Variants in JAZF1 observed in about 807,000 individuals in gnomAD.
The protein encoded by JAZF1 is JAZF zinc finger 1.
In JAZF1, 8 loss-of-function variants were observed where a neutral mutation model predicts 26.4. The ratio of observed to expected loss-of-function variants is 0.30; its 90% CI spans 0.18 to 0.55. JAZF1 has a LOEUF of 0.55. Among genes scored for constraint, JAZF1 ranks in the 20% least tolerant of loss-of-function variants. The probability of loss-of-function intolerance (pLI) is 0.94; values close to 1 mark genes in which losing one functional copy is unlikely to be tolerated. For missense variants in JAZF1, 199 were observed against 322.0 expected, an observed-to-expected ratio of 0.62 and a Z score of 2.92; for synonymous variants, 126 against 122.3, an observed-to-expected ratio of 1.03 and a Z score of -0.20.
chr7:28,025,111 G>C (rs1783072430), intron 1 of JAZF1, among the ~76,000 whole-genome samples: 1 of 152,180 alleles, frequency 6.6e-6, no homozygotes, highest in Admixed American at 6.5e-5. Context: ...CTAACCTGGT[G>C]ACCCAGCAAC....
intron 1 of JAZF1, among the ~76,000 whole-genome samples, chr7:28,132,893 A>T (rs774177904): frequency 3.3e-5 from 5 of 152,236 alleles, no homozygotes; most frequent in Admixed American, 6.5e-5. Flanking sequence ...CTGACTATGG[A>T]ACTCCATGCT....
intron 1 of JAZF1, among the ~76,000 whole-genome samples, chr7:28,047,763 A>G (rs777457332): frequency 1.5e-4 from 23 of 152,250 alleles, no homozygotes; most frequent in Middle Eastern, 6.8e-3. Flanking sequence ...AGCAAATTAC[A>G]CTGATTTCCT....
intron 1 of JAZF1, chr7:28,118,146 A>G (rs145096287): frequency 3.5e-4 from 54 of 152,356 alleles, no homozygotes; most frequent in African/African-American, 1.3e-3. Context: ...TGTGTGTGTC[A>G]TCCTTGCATA....
chr7:28,056,301 T>C (rs1469524624), intron 1 of JAZF1, among the ~76,000 whole-genome samples: 1 of 152,014 alleles, frequency 6.6e-6, no homozygotes, highest in African/African-American at 2.4e-5. Context: ...ATACCACATG[T>C]ACATGACAGG....
rs117108499 is a variant in JAZF1, at chr7:28,027,875, T to G, written c.116-35894A>C. ...ATGCCTGTTTCTTTCCCTGATGCAC[T>G]GGGTATGCAGTGGGGAAACAGGGCT... On this transcript the variant is annotated intron_variant, in intron 1 of 4. Transcript: ENST00000283928. 5.2e-3 allele frequency among the ~76,000 whole-genome samples: 793 copies of G among 152,328 alleles called. 4 individuals carry two copies. The highest frequency in any genetic ancestry group is 0.014 in the Middle Eastern group (4 of 294).
At chr7:27,874,690 T>G (rs938400993) in intron 3 of JAZF1, among the ~76,000 whole-genome samples, 1 of 144,218 alleles carries the variant, frequency 6.9e-6, no homozygotes, top group Non-Finnish European at 1.5e-5. Flanking sequence ...ATGGCCTGAA[T>G]CAGGCCAACC....
intron 1 of JAZF1, among the ~76,000 whole-genome samples, chr7:28,010,690 C>T (rs909687857): frequency 6.6e-6 from 1 of 152,200 alleles, no homozygotes; most frequent in Non-Finnish European, 1.5e-5. Flanking sequence ...TTTTAAAGTG[C>T]TTTGTTCCCA....
chr7:28,171,304 A>G (rs1783465652), intron 1 of JAZF1, among the ~76,000 whole-genome samples: 1 of 152,268 alleles, frequency 6.6e-6, no homozygotes, highest in African/African-American at 2.4e-5. Context: ...TGAATGCCAT[A>G]AACACATAAA....
At chr7:27,897,655 G>C (rs138045177) in intron 2 of JAZF1, among the ~76,000 whole-genome samples, 1 of 152,228 alleles carries the variant, frequency 6.6e-6, no homozygotes, top group African/African-American at 2.4e-5. Context: ...CTTCCCGAGC[G>C]TGGTGATCTT....
At chr7:28,095,757 A>C (rs374605267) in intron 1 of JAZF1, among the ~76,000 whole-genome samples, 1 of 152,218 alleles carries the variant, frequency 6.6e-6, no homozygotes, top group East Asian at 1.9e-4. Flanking sequence ...GGCATCAGTC[A>C]GCTTAGGCTG....
chr7:27,984,482 A>G (rs1266369351), intron 2 of JAZF1, among the ~76,000 whole-genome samples: 2 of 152,198 alleles, frequency 1.3e-5, no homozygotes, highest in Admixed American at 1.3e-4. Flanking sequence ...AAAGAGACTT[A>G]GACTCCCACA....
At chr7:27,988,920 T>TA (rs57661404) in intron 2 of JAZF1, among the ~76,000 whole-genome samples, 1,253 of 83,692 alleles carry the variant, frequency 0.015, 31 homozygotes, top group African/African-American at 0.042. Flanking sequence ...AGAATCTCTG[T>TA]AAAAAAAAAA....
chr7:28,180,363 G>C, intron 1 of JAZF1, 100 bp downstream of exon 1: 1 of 459,722 alleles, frequency 2.2e-6, no homozygotes, highest in East Asian at 8.0e-5. Context: ...CCGCCCTGCC[G>C]CCTCCCTCCC....
At chr7:27,837,176 CAAAA>C (rs70977006) in intron 4 of JAZF1, among the ~76,000 whole-genome samples, 7 of 152,198 alleles carry the variant, frequency 4.6e-5, no homozygotes, top group South Asian at 2.1e-4. Flanking sequence ...CAAAACAAAA[CAAAA>C]AAACTTTAAA....
chr7:27,912,580 G>A (rs895244419), intron 2 of JAZF1, among the ~76,000 whole-genome samples: 5 of 152,054 alleles, frequency 3.3e-5, no homozygotes, highest in African/African-American at 1.2e-4. Context: ...AAGGAAGAGG[G>A]AATAGTGAGA....
chr7:27,845,694 C>T (rs1469187845), intron 3 of JAZF1, among the ~76,000 whole-genome samples: 1 of 64,744 alleles, frequency 1.5e-5, no homozygotes, highest in Non-Finnish European at 2.8e-5. Context: ...GAGACTCTGC[C>T]TCAAAAAAAA....
At chr7:27,904,664 T>C (rs949798309) in intron 2 of JAZF1, among the ~76,000 whole-genome samples, 8 of 150,760 alleles carry the variant, frequency 5.3e-5, no homozygotes, top group African/African-American at 9.8e-5. Context: ...TTTTGCAGTA[T>C]CACCGAAACT....
chr7:27,988,340 C>T (rs1301607138), intron 2 of JAZF1, among the ~76,000 whole-genome samples: 2 of 151,924 alleles, frequency 1.3e-5, no homozygotes, highest in African/African-American at 4.8e-5. Flanking sequence ...TCTGTACCCA[C>T]ATCTCTACAT....
At chr7:28,092,204 A>C (rs989211097) in intron 1 of JAZF1, among the ~76,000 whole-genome samples, 2 of 150,114 alleles carry the variant, frequency 1.3e-5, no homozygotes, top group Non-Finnish European at 3.0e-5. Flanking sequence ...CAATGTTTAA[A>C]CTATCAACTT....
Sources: gnomAD v4.1 joint callset for allele counts (sites outside exome capture counted in the v4.1 genomes callset) on GRCh38, gnomAD v4.1.1 for gene constraint, MANE v1.5 for transcripts, NCBI Gene and HGNC (gene_info 2026-07-23, HGNC 2026-07-21) for gene names.